The following DSCAM variants were observed in gnomAD, a reference collection of about 807,000 sequenced individuals.
DSCAM encodes cell adhesion molecule DSCAM.
DSCAM carries 47 observed loss-of-function variants against 217.7 expected under a neutral mutation model. The ratio of observed to expected loss-of-function variants is 0.22; its 90% CI spans 0.17 to 0.28. DSCAM has a LOEUF of 0.28. Ranked by LOEUF, DSCAM falls within the 10% of genes least tolerant of loss-of-function variation. DSCAM has a pLI of 1.00. For missense variants in DSCAM, 2,080 were observed against 2,618.3 expected (o/e 0.79, Z 4.49); for synonymous variants, 1,056 against 1,015.3 (o/e 1.04, Z -0.76).
chr21:40,110,299 C>A (rs531005402), intron 20 of DSCAM, among the ~76,000 whole-genome samples: 14 of 152,326 alleles, frequency 9.2e-5, no homozygotes, highest in Admixed American at 2.0e-4. Context: ...GATACCCAGG[C>A]AAACAGGGTC....
intron 3 of DSCAM, among the ~76,000 whole-genome samples, chr21:40,586,583 T>C (rs752796548): frequency 8.5e-5 from 13 of 152,342 alleles, no homozygotes; most frequent in Admixed American, 2.6e-4. Flanking sequence ...TCAGGAGATC[T>C]GGGTAGAGCC....
At chr21:40,540,729 T>G (rs765201216) in intron 3 of DSCAM, among the ~76,000 whole-genome samples, 2 of 152,116 alleles carry the variant, frequency 1.3e-5, no homozygotes, top group African/African-American at 2.4e-5. Flanking sequence ...AGCTCCCCCA[T>G]CCCTCCCAGC....
chr21:40,828,034 G>A (rs1324795485), intron 1 of DSCAM, among the ~76,000 whole-genome samples: 2 of 152,184 alleles, frequency 1.3e-5, no homozygotes, highest in Non-Finnish European at 2.9e-5. Flanking sequence ...ACGTTTTACA[G>A]TGGTAGGGAT....
intron 11 of DSCAM, among the ~76,000 whole-genome samples, chr21:40,259,751 G>A (rs1029289570): frequency 1.5e-5 from 2 of 129,266 alleles, no homozygotes. Context: ...TCGGCTCACT[G>A]TAAGCTCTGC....
At chr21:40,420,321 C>A (rs923058606) in intron 3 of DSCAM, among the ~76,000 whole-genome samples, 1 of 152,154 alleles carries the variant, frequency 6.6e-6, no homozygotes, top group East Asian at 1.9e-4. Context: ...AGATCTATGA[C>A]TTGGGTTCTG....
At chr21:40,615,459 G>A (rs1205959045) in intron 3 of DSCAM, 1 of 4,540 alleles carries the variant, frequency 2.2e-4, no homozygotes, top group African/African-American at 1.6e-3. Flanking sequence ...CTTTAAGAGT[G>A]ATCTCTTCAT....
chr21:40,822,887 T>C (rs1472220942), intron 1 of DSCAM, among the ~76,000 whole-genome samples: 2 of 152,194 alleles, frequency 1.3e-5, no homozygotes, highest in African/African-American at 2.4e-5. Context: ...CAGTGGCTCA[T>C]GCCTGCAATC....
chr21:40,473,468 G>A (rs2075906477), intron 3 of DSCAM, among the ~76,000 whole-genome samples: 1 of 152,206 alleles, frequency 6.6e-6, no homozygotes, highest in Non-Finnish European at 1.5e-5. Flanking sequence ...ATAGACTGCG[G>A]ATGCCGACCC....
chr21:40,438,853 T>C (rs1024804634), intron 3 of DSCAM, among the ~76,000 whole-genome samples: 1 of 152,108 alleles, frequency 6.6e-6, no homozygotes, highest in Non-Finnish European at 1.5e-5. Flanking sequence ...CCCTACACAC[T>C]CTAGGGGATG....
At chr21:40,199,950 A>G (rs1479944444) in intron 11 of DSCAM, among the ~76,000 whole-genome samples, 1 of 151,646 alleles carries the variant, frequency 6.6e-6, no homozygotes, top group Non-Finnish European at 1.5e-5. Context: ...TTAAAAAAAC[A>G]AAAAACAAAA....
intron 1 of DSCAM, among the ~76,000 whole-genome samples, chr21:40,736,647 C>G (rs948671122): frequency 2.0e-5 from 3 of 152,180 alleles, no homozygotes; most frequent in African/African-American, 7.2e-5. Context: ...ACAAAAGAGG[C>G]TTCCTTCACA....
intron 1 of DSCAM, among the ~76,000 whole-genome samples, chr21:40,738,815 C>T (rs2091092133): frequency 6.6e-6 from 1 of 152,190 alleles, no homozygotes. Context: ...TGCAGAGAAA[C>T]ACACTTCCTG....
intron 1 of DSCAM, among the ~76,000 whole-genome samples, chr21:40,838,103 GCTGT>G (rs1276905002): frequency 6.6e-6 from 1 of 152,138 alleles, no homozygotes; most frequent in Non-Finnish European, 1.5e-5. Flanking sequence ...AGGAAATATA[GCTGT>G]CTTTTGTATT....
chr21:40,337,996 T>A, intron 8 of DSCAM, 105 bp downstream of exon 8: 2 of 1,393,334 alleles, frequency 1.4e-6, no homozygotes, highest in Non-Finnish European at 9.9e-7. Context: ...ACAATTATCC[T>A]GCTCTAAATA....
chr21:40,667,030 A>G (rs2090210303), intron 3 of DSCAM, among the ~76,000 whole-genome samples: 1 of 152,228 alleles, frequency 6.6e-6, no homozygotes. Context: ...ACAAAGCAAC[A>G]TGGGCAGCAG....
intron 20 of DSCAM, among the ~76,000 whole-genome samples, chr21:40,105,882 C>T (rs759009268): frequency 3.4e-4 from 52 of 152,236 alleles, no homozygotes; most frequent in Non-Finnish European, 2.6e-4. Context: ...TTTGTCTTTA[C>T]TTCTGTTTAT....
chr21:40,101,456 GTT>G (rs5843998), intron 20 of DSCAM, among the ~76,000 whole-genome samples: 1 of 150,372 alleles, frequency 6.7e-6, no homozygotes, highest in African/African-American at 2.4e-5. Flanking sequence ...GTGGAAGACA[GTT>G]TTTTTTTTCA....
chr21:40,028,444 C>T (rs530083873), intron 32 of DSCAM, among the ~76,000 whole-genome samples: 4 of 151,768 alleles, frequency 2.6e-5, no homozygotes, highest in Admixed American at 2.0e-4. Flanking sequence ...CCCCCTCCCC[C>T]AGCCTGGCTG....
At chr21:40,764,359 T>A (rs1259471947) in intron 1 of DSCAM, among the ~76,000 whole-genome samples, 1 of 151,496 alleles carries the variant, frequency 6.6e-6, no homozygotes, top group East Asian at 1.9e-4. Flanking sequence ...AAGCTCATCA[T>A]CACTGGTCAT....
Sources: allele counts gnomAD v4.1 joint callset (sites outside exome capture counted in the v4.1 genomes callset), GRCh38; gene constraint gnomAD v4.1.1; transcripts MANE v1.5; gene names NCBI Gene and HGNC (gene_info 2026-07-23, HGNC 2026-07-21).